Variants in BICC1 observed in about 807,000 individuals in gnomAD.
The protein encoded by BICC1 is protein bicaudal C homolog 1.
A neutral mutation model predicts 111.0 loss-of-function variants in BICC1; 43 were observed. That is an observed-to-expected ratio of 0.39 (90% CI 0.30 to 0.50). BICC1 has a LOEUF of 0.50. BICC1 is among the 20% of genes least tolerant of loss of function. The probability of loss-of-function intolerance (pLI) is 0.88; values close to 1 mark genes in which losing one functional copy is unlikely to be tolerated. For missense variants in BICC1, 1,091 were observed against 1,203.2 expected (o/e 0.91, Z 1.38); for synonymous variants, 467 against 434.4 (o/e 1.07, Z -0.93).
chr10:58,649,415 G>A (rs1838372889), intron 2 of BICC1, among the ~76,000 whole-genome samples: 1 of 152,170 alleles, frequency 6.6e-6, no homozygotes, highest in Admixed American at 6.5e-5. Context: ...AAGCCTGCCT[G>A]CTAGGTTAGT....
chr10:58,793,494 CT>C lies in BICC1; in HGVS notation c.1059del (p.Val355CysfsTer2), dbSNP rs1351055528. 1 of 1,610,750 alleles carries C rather than the reference CT, an allele frequency of 6.2e-7. No homozygotes were observed. The highest frequency in any genetic ancestry group is 2.2e-5 in the East Asian group (1 of 44,684). On this transcript the variant is annotated frameshift_variant, in exon 9 of 21. Transcript: ENST00000373886. LOFTEE classifies it high-confidence loss of function. The part of the protein sequence containing the change: ...LARQYLMGCL[P>X]LVLMFDMKEE... The stretch of plus-strand genomic sequence containing the variant: ...TGTGACATTTTCTAGGGTTGTCTTC[CT>C]CTTGTGTTGATGTTTGATATGAAGG...
intron 1 of BICC1, among the ~76,000 whole-genome samples, chr10:58,607,904 A>G (rs898859788): frequency 1.3e-5 from 2 of 152,168 alleles, no homozygotes; most frequent in Non-Finnish European, 2.9e-5. Flanking sequence ...GGACATGTGG[A>G]GAACCCAGGA....
chr10:58,551,054 C>T (rs1209838777), intron 1 of BICC1, among the ~76,000 whole-genome samples: 5 of 152,172 alleles, frequency 3.3e-5, no homozygotes, highest in Non-Finnish European at 5.9e-5. Context: ...CTAGTAAATA[C>T]AACCTCTTTC....
chr10:58,701,997 T>G, intron 2 of BICC1, 77 bp from the exon 3 acceptor site: 6 of 1,134,228 alleles, frequency 5.3e-6, no homozygotes, highest in Non-Finnish European at 7.7e-6. Context: ...GAAAATAAAC[T>G]TTTTTGTGTG....
intron 3 of BICC1, among the ~76,000 whole-genome samples, chr10:58,727,416 A>G (rs1233017262): frequency 1.3e-5 from 2 of 152,010 alleles, no homozygotes; most frequent in African/African-American, 2.4e-5. Context: ...GTGCAACCCC[A>G]TTTCTACTAA....
chr10:58,826,412 G>A (rs1844396119), intron 20 of BICC1, among the ~76,000 whole-genome samples: 1 of 152,124 alleles, frequency 6.6e-6, no homozygotes, highest in African/African-American at 2.4e-5. Context: ...GCAGATGTAA[G>A]TGTCCTATTC....
intron 3 of BICC1, among the ~76,000 whole-genome samples, chr10:58,784,463 A>T (rs1842957048): frequency 6.6e-6 from 1 of 152,190 alleles, no homozygotes; most frequent in Non-Finnish European, 1.5e-5. Context: ...TGTCTTTTAA[A>T]TGAAGTTATT....
intron 2 of BICC1, among the ~76,000 whole-genome samples, chr10:58,644,128 G>A (rs775035771): frequency 6.6e-6 from 1 of 152,080 alleles, no homozygotes. Context: ...CTGGCCTTTA[G>A]AATATTATTA....
intron 2 of BICC1, among the ~76,000 whole-genome samples, chr10:58,644,101 T>G (rs1838198278): frequency 6.6e-6 from 1 of 152,136 alleles, no homozygotes; most frequent in African/African-American, 2.4e-5. Context: ...CCCAGCTGAG[T>G]TAGATAAGGT....
chr10:58,540,449 C>T (rs1842934146), intron 1 of BICC1, among the ~76,000 whole-genome samples: 1 of 151,786 alleles, frequency 6.6e-6, no homozygotes. Flanking sequence ...CAACTGATGC[C>T]ACAGAAATGT....
At chr10:58,703,401 A>T in intron 3 of BICC1, among the ~76,000 whole-genome samples, 1 of 152,118 alleles carries the variant, frequency 6.6e-6, no homozygotes. Context: ...AGTTCAAGCA[A>T]TTCTCCTGCC....
At chr10:58,743,195 T>C (rs576839287) in intron 3 of BICC1, among the ~76,000 whole-genome samples, 1 of 152,324 alleles carries the variant, frequency 6.6e-6, no homozygotes, top group Non-Finnish European at 1.5e-5. Flanking sequence ...GAATGCAGAA[T>C]TCATGGAATT....
chr10:58,615,596 C>G (rs988525460), intron 1 of BICC1, among the ~76,000 whole-genome samples: 1 of 152,170 alleles, frequency 6.6e-6, no homozygotes, highest in African/African-American at 2.4e-5. Context: ...GTTGAAACCC[C>G]CTACGATTCC....
At chr10:58,559,504 T>G (rs566655592) in intron 1 of BICC1, among the ~76,000 whole-genome samples, 1 of 152,260 alleles carries the variant, frequency 6.6e-6, no homozygotes, top group South Asian at 2.1e-4. Context: ...GGTGGAGACT[T>G]TAGGTTTTTC....
chr10:58,600,733 G>A (rs979283839), intron 1 of BICC1, among the ~76,000 whole-genome samples: 1 of 151,978 alleles, frequency 6.6e-6, no homozygotes, highest in East Asian at 1.9e-4. Flanking sequence ...TCAGTGTGCA[G>A]GTAATGAGGA....
chr10:58,732,383 ATATATATATATATATATATATATATAT>A (rs1841338976), intron 3 of BICC1, among the ~76,000 whole-genome samples: 1 of 312 alleles, frequency 3.2e-3, no homozygotes, highest in Non-Finnish European at 7.5e-3. Flanking sequence ...GTGTATGTAT[ATATATATATATATATATATATATATAT>A]ATATATATAT....
chr10:58,736,210 T>A (rs1225878875), intron 3 of BICC1, among the ~76,000 whole-genome samples: 1 of 152,130 alleles, frequency 6.6e-6, no homozygotes, highest in African/African-American at 2.4e-5. Flanking sequence ...ATGTGGTCAA[T>A]AAGTAAATCT....
chr10:58,549,142 A>T (rs1054167802), intron 1 of BICC1, among the ~76,000 whole-genome samples: 1 of 118,722 alleles, frequency 8.4e-6, no homozygotes, highest in South Asian at 2.7e-4. Flanking sequence ...CACCTCCCTC[A>T]GCCAGTTTTT....
intron 2 of BICC1, among the ~76,000 whole-genome samples, chr10:58,664,282 T>C (rs1217682515): frequency 6.6e-6 from 1 of 152,186 alleles, no homozygotes; most frequent in Non-Finnish European, 1.5e-5. Flanking sequence ...TAGTTTCTGA[T>C]TGTGGACTTA....
Sources: allele counts gnomAD v4.1 joint callset (sites outside exome capture counted in the v4.1 genomes callset), GRCh38; gene constraint gnomAD v4.1.1; transcripts MANE v1.5; gene names NCBI Gene and HGNC (gene_info 2026-07-23, HGNC 2026-07-21).